ST14: variants seen among roughly 807,000 people sequenced by gnomAD.
The protein encoded by ST14 is ST14 transmembrane serine protease matriptase, also known as suppressor of tumorigenicity 14 protein.
Under a neutral mutation model 96.5 loss-of-function variants are expected in ST14, and 40 were observed. The observed-to-expected ratio is 0.41, with a 90% CI of 0.32 to 0.54. The LOEUF (loss-of-function observed/expected upper bound fraction) is 0.54. Among genes scored for constraint, ST14 ranks in the 20% least tolerant of loss-of-function variants. The pLI is 0.17. For missense variants in ST14, 1,066 were observed against 1,188.9 expected (o/e 0.90, Z 1.52); for synonymous variants, 506 against 492.1 (o/e 1.03, Z -0.37).
chr11:130,161,472 A>C (rs1259265760), intron 1 of ST14, among the ~76,000 whole-genome samples: 1 of 151,820 alleles, frequency 6.6e-6, no homozygotes, highest in Non-Finnish European at 1.5e-5. Context: ...CCTTTCTAGG[A>C]CTCTCCTGCC....
chr11:130,165,138 A>T (rs185802393), intron 1 of ST14, among the ~76,000 whole-genome samples: 1 of 152,304 alleles, frequency 6.6e-6, no homozygotes, highest in East Asian at 1.9e-4. Context: ...CGGAATCTAG[A>T]TTGGAGCCCA....
intron 15 of ST14, among the ~76,000 whole-genome samples, chr11:130,199,743 G>A (rs12421950): frequency 0.015 from 2,268 of 152,316 alleles, 31 homozygotes; most frequent in Admixed American, 0.031. Context: ...ATTTGGGAGC[G>A]GGGAGAAGGA....
At chr11:130,196,749 G>T (rs774941230) in intron 11 of ST14, 49 bp downstream of exon 11, 3 of 1,613,624 alleles carry the variant, frequency 1.9e-6, no homozygotes. Flanking sequence ...TGCACCGCAT[G>T]TTCTGTCTAC....
At chr11:130,191,163 C>A (rs113474351) in intron 7 of ST14, among the ~76,000 whole-genome samples, 1 of 152,058 alleles carries the variant, frequency 6.6e-6, no homozygotes, top group Non-Finnish European at 1.5e-5. Context: ...CTAGCCTGGG[C>A]AACAAGACTC....
intron 7 of ST14, among the ~76,000 whole-genome samples, chr11:130,192,227 A>G (rs1280184574): frequency 6.6e-6 from 1 of 152,204 alleles, no homozygotes; most frequent in Admixed American, 6.5e-5. Flanking sequence ...AGAACAACCT[A>G]GAACCATCTG....
chr11:130,210,000 C>A lies in ST14; in HGVS notation c.*177C>A. ...AGAAAACCTCTCGCTTCCTCAGCCT[C>A]CAAAGTGGAGCTGGGAGGTAGAAGG... is the stretch of plus-strand genomic sequence containing the variant. On this transcript the variant is annotated 3_prime_UTR_variant, in exon 19 of 19. Coordinates refer to ENST00000278742, the MANE Select transcript of ST14 (RefSeq NM_021978.4). The A allele has an allele frequency of 1.3e-6, 1 of 775,484 alleles. No individual in the cohort carries two copies. Among genetic ancestry groups the A allele is most frequent in the Non-Finnish European group, 2.0e-6 (1 of 495,282 alleles). 48.0% of individuals were successfully genotyped at this position (775,484 alleles called of 1,614,324 possible). A position where few individuals can be genotyped will look rare whatever the true frequency, so the allele number is the denominator to read the frequency against.
chr11:130,209,545 G>A lies in ST14; in HGVS notation c.2373G>A (p.Val791=), dbSNP rs1328724192. ...PQQITPRMMC[V]GFLSGGVDSC... is the part of the protein sequence containing the mutation. ...AGATCACGCCGCGCATGATGTGCGT[G>A]GGCTTCCTCAGCGGCGGCGTGGACT... The change falls in exon 18 of 19, where the codon GTG becomes GTA. Residue 791 remains valine, a synonymous_variant. Transcript: ENST00000278742. 2.5e-6 allele frequency: 4 copies of A among 1,576,826 alleles called. No individual in the cohort carries two copies. Among genetic ancestry groups the A allele is most frequent in the Admixed American group, 3.7e-5 (2 of 53,352 alleles).
At chr11:130,189,697 T>A (rs1591887397) in intron 4 of ST14, 42 bp from the exon 5 acceptor site, 1 of 1,602,806 alleles carries the variant, frequency 6.2e-7, no homozygotes, top group Non-Finnish European at 8.5e-7. Context: ...GTGGGGGAAA[T>A]GGGGCCCAGA....
At chr11:130,197,289 G>A (rs972745861) in intron 11 of ST14, among the ~76,000 whole-genome samples, 1 of 152,216 alleles carries the variant, frequency 6.6e-6, no homozygotes, top group Non-Finnish European at 1.5e-5. Context: ...ACCTGTGACC[G>A]AAGTGTCCCT....
chr11:130,182,229 T>C (rs1188202451), intron 1 of ST14, among the ~76,000 whole-genome samples: 1 of 152,190 alleles, frequency 6.6e-6, no homozygotes, highest in East Asian at 1.9e-4. Flanking sequence ...AGTAAGAAAA[T>C]GGTTGTGAAA....
rs763986421 is a variant in ST14 at position 130,198,322 on chromosome 11, C to T, written c.1474C>T (p.His492Tyr). 6 of 1,614,032 alleles carry T rather than the reference C, an allele frequency of 3.7e-6. No homozygotes were observed. The African/African-American group carries it at 8.0e-5, about 22-fold the overall frequency. ...DELNCSCDAG[H>Y]QFTCKNKFCK... The stretch of plus-strand genomic sequence containing the variant: ...CCCCACTCCAGGTTGCGACGCCGGC[C>T]ACCAGTTCACGTGCAAGAACAAGTT... Residue 492 changes from histidine (H) to tyrosine (Y), a missense_variant, in exon 13 of 19, where the codon CAC (histidine) becomes TAC (tyrosine). Physicochemically the swap from His to Tyr is moderately conservative, Grantham distance 83. Transcript: ENST00000278742.
chr11:130,201,079 C>T (rs984547514), intron 16 of ST14, among the ~76,000 whole-genome samples: 3 of 152,240 alleles, frequency 2.0e-5, no homozygotes, highest in African/African-American at 4.8e-5. Flanking sequence ...AGACACTTTG[C>T]GCTGTGCCTG....
intron 7 of ST14, among the ~76,000 whole-genome samples, chr11:130,191,182 T>C (rs534806901): frequency 3.9e-5 from 6 of 151,938 alleles, no homozygotes; most frequent in East Asian, 2.0e-4. Context: ...TCTGCCTCTA[T>C]AAAAAATAAA....
chr11:130,209,864 C>CA lies in ST14; in HGVS notation c.*42dup. On this transcript the variant is annotated 3_prime_UTR_variant, in exon 19 of 19. Coordinates refer to ENST00000278742, the MANE Select transcript of ST14 (RefSeq NM_021978.4). ...AAATGTGTACACCTGCGGGGCCACCCATCGTCCACCCCAGTGTGCACGCCT... is the reference window on the plus strand; with the variant it reads ...AAATGTGTACACCTGCGGGGCCACCCAATCGTCCACCCCAGTGTGCACGCCT... 6.2e-7 allele frequency: 1 copy of CA among 1,607,820 alleles called. No individual in the cohort carries two copies. Among genetic ancestry groups the CA allele is most frequent in the Non-Finnish European group, 8.5e-7 (1 of 1,179,222 alleles).
intron 16 of ST14, among the ~76,000 whole-genome samples, chr11:130,201,868 A>G (rs935707338): frequency 2.0e-5 from 3 of 152,190 alleles, no homozygotes; most frequent in African/African-American, 7.2e-5. Flanking sequence ...GTGAGCCACC[A>G]TGCCTGGCCC....
chr11:130,175,067 A>G (rs1207521265), intron 1 of ST14, among the ~76,000 whole-genome samples: 1 of 152,210 alleles, frequency 6.6e-6, no homozygotes, highest in Admixed American at 6.5e-5. Context: ...GGTACTCCTA[A>G]CAGAAGTGTT....
chr11:130,208,822 C>T, intron 17 of ST14, 138 bp downstream of exon 17: 3 of 1,154,534 alleles, frequency 2.6e-6, no homozygotes, highest in South Asian at 3.2e-5. Flanking sequence ...CTGTCCAGGG[C>T]GGAATGGAGG....
At chr11:130,197,000 C>G (rs940038592) in intron 11 of ST14, among the ~76,000 whole-genome samples, 1 of 152,170 alleles carries the variant, frequency 6.6e-6, no homozygotes, top group African/African-American at 2.4e-5. Flanking sequence ...TCAGGCCCAC[C>G]TTCACCGTGA....
chr11:130,162,348 T>G (rs1039153456), intron 1 of ST14, among the ~76,000 whole-genome samples: 10 of 152,208 alleles, frequency 6.6e-5, no homozygotes, highest in Admixed American at 5.2e-4. Flanking sequence ...TTATGGCCAT[T>G]AATGAGAGCC....
Sources: allele counts gnomAD v4.1 joint callset (sites outside exome capture counted in the v4.1 genomes callset), GRCh38; gene constraint gnomAD v4.1.1; transcripts MANE v1.5; gene names NCBI Gene and HGNC (gene_info 2026-07-23, HGNC 2026-07-21).